RHBDL2: variants seen among roughly 807,000 people sequenced by gnomAD.
RHBDL2 encodes rhomboid like 2.
RHBDL2 carries 26 observed loss-of-function variants against 31.7 expected under a neutral mutation model. That is an observed-to-expected ratio of 0.82 (90% CI 0.60 to 1.14). The LOEUF is 1.14. RHBDL2 is among the 50% of genes most tolerant of loss of function. The pLI, the probability that RHBDL2 is intolerant of heterozygous loss-of-function variation, is 0.00. For missense variants in RHBDL2, 336 were observed against 364.4 expected, an observed-to-expected ratio of 0.92 and a Z score of 0.63; for synonymous variants, 123 against 127.2, an observed-to-expected ratio of 0.97 and a Z score of 0.22.
At chr1:38,917,658 C>A (rs540479041) in intron 2 of RHBDL2, among the ~76,000 whole-genome samples, 9 of 152,258 alleles carry the variant, frequency 5.9e-5, no homozygotes, top group Admixed American at 2.0e-4. Context: ...TTCCCAGTTG[C>A]AAGCAGTCTC....
At chr1:38,915,435 C>A (rs1328158299) in intron 3 of RHBDL2, 127 bp downstream of exon 3, 3 of 895,242 alleles carry the variant, frequency 3.4e-6, no homozygotes, top group Non-Finnish European at 5.2e-6. Flanking sequence ...CAATACCTAC[C>A]CCTTAGGGTT....
intron 3 of RHBDL2, among the ~76,000 whole-genome samples, chr1:38,915,028 CAA>C (rs1267966081): frequency 9.7e-5 from 11 of 113,986 alleles, no homozygotes; most frequent in Non-Finnish European, 9.3e-5. Context: ...GACTCCATCT[CAA>C]AAAAAAAAAA....
chr1:38,919,389 T>A, intron 1 of RHBDL2, 52 bp from the exon 2 acceptor site: 1 of 1,471,206 alleles, frequency 6.8e-7, no homozygotes, highest in Non-Finnish European at 9.0e-7. Flanking sequence ...CTAAACCTCC[T>A]AAATGGCCCA....
intron 6 of RHBDL2, among the ~76,000 whole-genome samples, chr1:38,889,160 C>T (rs1455179336): frequency 6.6e-6 from 1 of 152,172 alleles, no homozygotes; most frequent in Non-Finnish European, 1.5e-5. Flanking sequence ...GTAGTGCAAT[C>T]TCGGCTCACT....
At chr1:38,920,761 C>G (rs1643302394) in intron 1 of RHBDL2, among the ~76,000 whole-genome samples, 1 of 150,368 alleles carries the variant, frequency 6.7e-6, no homozygotes, top group Non-Finnish European at 1.5e-5. Context: ...TGCCCACCAC[C>G]ACACCTGGCT....
intron 5 of RHBDL2, among the ~76,000 whole-genome samples, chr1:38,894,953 C>G (rs757841602): frequency 6.6e-6 from 1 of 152,304 alleles, no homozygotes; most frequent in South Asian, 2.1e-4. Context: ...GATCCACTCA[C>G]CTTGGCCTCC....
intron 2 of RHBDL2, among the ~76,000 whole-genome samples, chr1:38,917,297 G>A (rs1181688127): frequency 2.0e-5 from 3 of 152,068 alleles, no homozygotes. Flanking sequence ...GATTACAGGC[G>A]TGCACCACTG....
chr1:38,918,620 C>T (rs185049264), intron 2 of RHBDL2, among the ~76,000 whole-genome samples: 4 of 152,286 alleles, frequency 2.6e-5, no homozygotes, highest in African/African-American at 9.6e-5. Flanking sequence ...TACCAACCAG[C>T]CTAAATCGGT....
chr1:38,919,664 A>G (rs923655557), intron 1 of RHBDL2, among the ~76,000 whole-genome samples: 4 of 151,514 alleles, frequency 2.6e-5, no homozygotes, highest in Non-Finnish European at 4.4e-5. Flanking sequence ...GCTGGAGTGC[A>G]ATGGCGAGAT....
intron 1 of RHBDL2, among the ~76,000 whole-genome samples, chr1:38,923,692 T>C (rs758667428): frequency 3.3e-5 from 5 of 152,206 alleles, no homozygotes; most frequent in Non-Finnish European, 5.9e-5. Flanking sequence ...CAAAGAAATA[T>C]TCAAGCATCA....
chr1:38,887,997 T>C lies in RHBDL2; in HGVS notation c.698A>G (p.Tyr233Cys), dbSNP rs144934382. ...IIVLDMGFAL[Y>C]RRFFVPEDGS... ...ATCTTCAGGAACAAAGAACCTTCTA[T>C]AGAGAGCAAATCCCATGTCCAACAC... is the stretch of plus-strand genomic sequence containing the variant. Residue 233 changes from tyrosine (Y) to cysteine (C), a missense_variant, in exon 7 of 8, where the codon TAT (tyrosine) becomes TGT (cysteine). Coordinates refer to ENST00000372990, the MANE Select transcript of RHBDL2 (RefSeq NM_017821.5). 2.4e-4 allele frequency: 381 copies of C among 1,612,954 alleles called. No homozygotes were observed. The highest frequency in any genetic ancestry group is 3.1e-4 in the Non-Finnish European group (367 of 1,179,054).
At chr1:38,893,756 A>G (rs1306165668) in intron 5 of RHBDL2, among the ~76,000 whole-genome samples, 1 of 151,956 alleles carries the variant, frequency 6.6e-6, no homozygotes, top group Non-Finnish European at 1.5e-5. Flanking sequence ...GAGGTAGAAG[A>G]CAGGGAGGAT....
chr1:38,929,532 T>C lies in RHBDL2; in HGVS notation c.-125-10195A>G, dbSNP rs781584856. The C allele has an allele frequency of 2.6e-5, 33 of 1,289,264 alleles. No homozygotes were observed. In the South Asian group the frequency reaches 3.5e-4, roughly 13 times the overall value. The allele number at this position is 1,289,264 out of a possible 1,614,324, so 79.9% of individuals were successfully genotyped here. A position where few individuals can be genotyped will look rare whatever the true frequency, so the allele number is the denominator to read the frequency against. ...CATTCAAACAGGGAGGTTTTAAATA[T>C]CTGAATTGTTTTTTCTAAACAGCTG... On this transcript the variant is annotated intron_variant, in intron 1 of 7. Transcript: ENST00000372990.
chr1:38,929,994 C>T (rs1643423338), intron 1 of RHBDL2, among the ~76,000 whole-genome samples: 3 of 152,144 alleles, frequency 2.0e-5, no homozygotes, highest in African/African-American at 7.2e-5. Context: ...TCACAAACCC[C>T]CGTTTCCAAA....
At position 38,887,980 on chromosome 1, in the gene RHBDL2, G is replaced by A. The variant is rs776160150; in HGVS notation, c.715C>T (p.Pro239Ser). Reference protein sequence around the residue: ...GFALYRRFFVPEDGSPVSFAA... With the variant: ...GFALYRRFFVSEDGSPVSFAA... ...GAACTCACCGGAGACCCATCTTCAGGAACAAAGAACCTTCTATAGAGAGCA... is the reference window on the plus strand; with the variant it reads ...GAACTCACCGGAGACCCATCTTCAGAAACAAAGAACCTTCTATAGAGAGCA... The change falls in exon 7 of 8, where the codon CCT (proline) becomes TCT (serine). Residue 239 changes from proline (P) to serine (S), a missense_variant. Transcript: ENST00000372990. The A allele has an allele frequency of 2.5e-6, 4 of 1,611,476 alleles. No individual in the cohort carries two copies. The East Asian group carries it at 8.9e-5, about 36-fold the overall frequency.
chr1:38,913,425 CT>C (rs1643183720), intron 3 of RHBDL2: 1 of 152,150 alleles, frequency 6.6e-6, no homozygotes, highest in Non-Finnish European at 1.5e-5. Flanking sequence ...GATTTTGCCC[CT>C]GATTTGTCAA....
chr1:38,924,576 A>G (rs1396669241), intron 1 of RHBDL2, among the ~76,000 whole-genome samples: 5 of 151,820 alleles, frequency 3.3e-5, no homozygotes, highest in Non-Finnish European at 7.4e-5. Context: ...CCTGGGCGAC[A>G]GAGCAAGACT....
intron 4 of RHBDL2, among the ~76,000 whole-genome samples, chr1:38,901,841 AAAATAAATAAAT>A (rs139309825): frequency 0.025 from 3,709 of 149,028 alleles, 107 homozygotes; most frequent in African/African-American, 0.074. Context: ...CAAAAAAAAT[AAAATAAATAAAT>A]AAATAAATAA....
chr1:38,904,973 G>A (rs1643044177), intron 4 of RHBDL2, among the ~76,000 whole-genome samples: 1 of 150,348 alleles, frequency 6.7e-6, no homozygotes, highest in South Asian at 2.1e-4. Context: ...GGAGCTTGCA[G>A]TGAGCCGAGA....
Sources: gnomAD v4.1 joint callset for allele counts (sites outside exome capture counted in the v4.1 genomes callset) on GRCh38, gnomAD v4.1.1 for gene constraint, MANE v1.5 for transcripts, NCBI Gene and HGNC (gene_info 2026-07-23, HGNC 2026-07-21) for gene names.